Variants in KDM4B observed in about 807,000 individuals in gnomAD.
KDM4B encodes lysine-specific demethylase 4B.
In KDM4B, 32 loss-of-function variants were observed where a neutral mutation model predicts 125.2. The ratio of observed to expected loss-of-function variants is 0.26; its 90% CI spans 0.19 to 0.34. The LOEUF (loss-of-function observed/expected upper bound fraction) is 0.34. Ranked by LOEUF, KDM4B falls within the 10% of genes least tolerant of loss-of-function variation. KDM4B has a pLI of 1.00. For missense variants in KDM4B, 1,190 were observed against 1,577.7 expected (o/e 0.75, Z 4.16); for synonymous variants, 721 against 677.9 (o/e 1.06, Z -0.99).
rs1431712588 is a variant in KDM4B, at chr19:5,131,461, C to G, written c.1701C>G (p.Pro567=). The G allele has an allele frequency of 3.1e-6, 5 of 1,597,342 alleles. No individual in the cohort carries two copies. Among genetic ancestry groups the G allele is most frequent in the Non-Finnish European group, 4.3e-6 (5 of 1,175,834 alleles). The part of the protein sequence containing the change: ...KGPTWKEPVS[P]MELTGPEDGA... The stretch of plus-strand genomic sequence containing the variant: ...CGACCTGGAAGGAACCAGTTTCCCC[C>G]ATGGAGCTGACGGGGCCAGAGGACG... The change falls in exon 12 of 23, where the codon CCC becomes CCG. Residue 567 remains proline, a synonymous_variant. Coordinates refer to ENST00000159111, the MANE Select transcript of KDM4B (RefSeq NM_015015.3).
At position 4,988,463 on chromosome 19, in the gene KDM4B, G is replaced by A. The variant is rs113776080; in HGVS notation, c.-109+19233G>A. ...GCTAATTTTTTGTATTTTTAGTAGAGACGGGGTTTCACCATGTTAGCCAGG... is the reference window on the plus strand; with the variant it reads ...GCTAATTTTTTGTATTTTTAGTAGAAACGGGGTTTCACCATGTTAGCCAGG... On this transcript the variant is annotated intron_variant, in intron 1 of 22. Transcript: ENST00000159111. 4.0e-3 allele frequency among the ~76,000 whole-genome samples: 613 copies of A among 152,172 alleles called. 6 individuals carry two copies. The highest frequency in any genetic ancestry group is 0.014 in the African/African-American group (582 of 41,502).
intron 6 of KDM4B, among the ~76,000 whole-genome samples, chr19:5,060,797 C>A (rs1314469535): frequency 6.6e-6 from 1 of 152,210 alleles, no homozygotes; most frequent in Non-Finnish European, 1.5e-5. Flanking sequence ...CCCTGCGCAC[C>A]CTCCCCTGTG....
At chr19:4,970,654 C>T (rs1200681853) in intron 1 of KDM4B, among the ~76,000 whole-genome samples, 2 of 152,178 alleles carry the variant, frequency 1.3e-5, no homozygotes, top group Non-Finnish European at 2.9e-5. Flanking sequence ...GAGCTAATGA[C>T]TCCCCTAATT....
intron 1 of KDM4B, among the ~76,000 whole-genome samples, chr19:4,984,503 C>G (rs934076973): frequency 2.0e-5 from 3 of 152,060 alleles, no homozygotes; most frequent in Admixed American, 2.0e-4. Flanking sequence ...GTGGGGGTTT[C>G]TGGGGGAAGC....
At chr19:4,984,407 C>T (rs2034755664) in intron 1 of KDM4B, among the ~76,000 whole-genome samples, 1 of 152,170 alleles carries the variant, frequency 6.6e-6, no homozygotes. Context: ...CATAAAGCAA[C>T]TTGAAAATAA....
intron 6 of KDM4B, chr19:5,070,760 G>C (rs974886834): frequency 2.3e-6 from 1 of 430,456 alleles, no homozygotes; most frequent in African/African-American, 2.0e-5. Context: ...CTGGCTTTCT[G>C]AGTGTGTCAC....
chr19:5,041,756 C>G (rs184082435), intron 5 of KDM4B, among the ~76,000 whole-genome samples: 75 of 152,374 alleles, frequency 4.9e-4, no homozygotes, highest in African/African-American at 1.7e-3. Context: ...AGCTGGCCGG[C>G]ATCCCCAGAG....
intron 1 of KDM4B, among the ~76,000 whole-genome samples, chr19:5,010,810 G>A (rs1276542547): frequency 6.6e-6 from 1 of 152,128 alleles, no homozygotes; most frequent in African/African-American, 2.4e-5. Flanking sequence ...ATCACACCTG[G>A]CTAATTTTTG....
Position 4,969,153 on chromosome 19 carries a change from C to G in KDM4B, c.-186C>G, listed in dbSNP as rs942721251. 6.6e-6 allele frequency: 1 copy of G among 150,524 alleles called. No homozygotes were observed. Among genetic ancestry groups the G allele is most frequent in the African/African-American group, 2.4e-5 (1 of 41,116 alleles). 9.3% of individuals were successfully genotyped at this position (150,524 alleles called of 1,614,324 possible). A position where few individuals can be genotyped will look rare whatever the true frequency, so the allele number is the denominator to read the frequency against. ...GCAACCGAGCGGGGCCCGGCCCGAG[C>G]GGGGCCTGGGGGTGCGACGCCGAGG... On this transcript the variant is annotated 5_prime_UTR_variant, in exon 1 of 23. Transcript: ENST00000159111.
intron 3 of KDM4B, among the ~76,000 whole-genome samples, chr19:5,034,073 G>A (rs1359062279): frequency 6.6e-6 from 1 of 152,226 alleles, no homozygotes; most frequent in East Asian, 1.9e-4. Context: ...GGTTGAGGCT[G>A]CAGTGAGCTG....
At chr19:5,004,392 T>A (rs1300150439) in intron 1 of KDM4B, among the ~76,000 whole-genome samples, 1 of 152,112 alleles carries the variant, frequency 6.6e-6, no homozygotes, top group East Asian at 1.9e-4. Context: ...TCACCGCGCA[T>A]CCCGCCAGCT....
At chr19:4,982,769 C>T (rs2034690977) in intron 1 of KDM4B, among the ~76,000 whole-genome samples, 1 of 152,014 alleles carries the variant, frequency 6.6e-6, no homozygotes, top group East Asian at 1.9e-4. Flanking sequence ...CGTGCCACCA[C>T]ACCCAGCTAA....
In KDM4B at chr19:5,035,466, C is replaced by T. The variant is rs1255973156; in HGVS notation, c.141+2435C>T. 6.6e-6 allele frequency among the ~76,000 whole-genome samples: 1 copy of T among 152,156 alleles called. No homozygotes were observed. The highest frequency in any genetic ancestry group is 2.4e-5 in the African/African-American group (1 of 41,442). On this transcript the variant is annotated intron_variant, in intron 3 of 22. Transcript: ENST00000159111. This position sits in a 1 kb window ranked among gnomAD's most constrained non-coding sequence, Gnocchi z 5.3. Reference sequence around the variant, plus strand: ...ACCGGGCTCCATGCCCCGGTGTTTCCGGCTCTCTCTGCCCTCCACGTGGCG... The same window carrying T: ...ACCGGGCTCCATGCCCCGGTGTTTCTGGCTCTCTCTGCCCTCCACGTGGCG...
At chr19:5,094,767 C>T (rs902021630) in intron 9 of KDM4B, among the ~76,000 whole-genome samples, 2 of 152,132 alleles carry the variant, frequency 1.3e-5, no homozygotes, top group Non-Finnish European at 2.9e-5. Flanking sequence ...GTGGGAGCCA[C>T]GGGCCACACG....
At chr19:5,084,205 C>T (rs112095490) in intron 9 of KDM4B, among the ~76,000 whole-genome samples, 1 of 151,008 alleles carries the variant, frequency 6.6e-6, no homozygotes, top group African/African-American at 2.4e-5. Context: ...TGAGATTGTG[C>T]CCTGGTACTC....
In KDM4B at chr19:5,081,255, AGCCCTTG is replaced by A. The variant is rs2038285486; in HGVS notation, c.781-1108_781-1102del. Among the ~76,000 whole-genome samples, 1 of 152,192 alleles carries A rather than the reference AGCCCTTG, an allele frequency of 6.6e-6. No individual in the cohort carries two copies. The highest frequency in any genetic ancestry group is 2.1e-4 in the South Asian group (1 of 4,830). On this transcript the variant is annotated intron_variant, in intron 8 of 22. Transcript: ENST00000159111. The surrounding 1 kb of genome is among the most constrained non-coding windows in gnomAD (Gnocchi z 4.2). ...TGGGCCCACAGCCCCACCTCCTAGA[AGCCCTTG>A]GCCTGAGCCCCGGGGTGCAGCAGGT...
At chr19:4,982,624 T>A (rs973563269) in intron 1 of KDM4B, among the ~76,000 whole-genome samples, 2 of 151,804 alleles carry the variant, frequency 1.3e-5, no homozygotes, top group East Asian at 1.9e-4. Flanking sequence ...TCTCTCTTTC[T>A]TTTTTTGTGG....
intron 13 of KDM4B, among the ~76,000 whole-genome samples, chr19:5,133,597 G>A (rs2039596195): frequency 6.6e-6 from 1 of 152,234 alleles, no homozygotes. Context: ...GTTGGGGGAG[G>A]GGCTCAGAGG....
In KDM4B at chr19:5,035,515, C is replaced by T. The variant is rs938610898; in HGVS notation, c.141+2484C>T. Among the ~76,000 whole-genome samples the T allele has an allele frequency of 2.6e-5, 4 of 152,046 alleles. No homozygotes were observed. The highest frequency in any genetic ancestry group is 9.7e-5 in the African/African-American group (4 of 41,394). ...CGGCCTTGGGTGCAGCCTGGGTTCCCGGGTGGCCTGTCCTCCCCCGCGCTG... is the reference window on the plus strand; with the variant it reads ...CGGCCTTGGGTGCAGCCTGGGTTCCTGGGTGGCCTGTCCTCCCCCGCGCTG... On this transcript the variant is annotated intron_variant, in intron 3 of 22. Transcript: ENST00000159111. The surrounding 1 kb of genome is among the most constrained non-coding windows in gnomAD (Gnocchi z 5.3).
Sources: gnomAD v4.1 joint callset for allele counts (sites outside exome capture counted in the v4.1 genomes callset) on GRCh38, gnomAD v4.1.1 for gene constraint, Gnocchi (gnomAD v3.1) non-coding constraint, MANE v1.5 for transcripts, NCBI Gene and HGNC (gene_info 2026-07-23, HGNC 2026-07-21) for gene names.